The following MAF variants were observed in gnomAD, a reference collection of about 807,000 sequenced individuals.
The protein encoded by MAF is transcription factor Maf.
A neutral mutation model predicts 22.0 loss-of-function variants in MAF; 10 were observed. The ratio of observed to expected loss-of-function variants is 0.45; its 90% CI spans 0.28 to 0.77. MAF has a LOEUF of 0.77. Ranked by LOEUF, MAF falls within the 30% of genes least tolerant of loss-of-function variation. The pLI is 0.12. For missense variants in MAF, 544 were observed against 548.4 expected (o/e 0.99, Z 0.08); for synonymous variants, 337 against 255.8 (o/e 1.32, Z -3.03).
At chr16:79,269,282 T>A in the MAF span, among the ~76,000 whole-genome samples, 8 of 152,186 alleles carry the variant, frequency 5.3e-5, no homozygotes, top group Non-Finnish European at 1.2e-4. Flanking sequence ...CGGGCTTGGG[T>A]CTGGGCACCC....
chr16:79,388,846 G>C, the MAF span, among the ~76,000 whole-genome samples: 1 of 152,158 alleles, frequency 6.6e-6, no homozygotes, highest in African/African-American at 2.4e-5. Context: ...GAGAAGTGAA[G>C]TGACTTGCTC....
chr16:79,376,526 TTTTC>T, the MAF span, among the ~76,000 whole-genome samples: 1 of 152,154 alleles, frequency 6.6e-6, no homozygotes, highest in Admixed American at 6.5e-5. Context: ...ATTTTATTTT[TTTTC>T]TTTTTTTAAA....
the MAF span, among the ~76,000 whole-genome samples, chr16:79,532,496 T>A: frequency 2.0e-5 from 3 of 152,248 alleles, no homozygotes; most frequent in Non-Finnish European, 4.4e-5. Context: ...GGTGGTCAAC[T>A]GCTCAGTAGC....
the MAF span, among the ~76,000 whole-genome samples, chr16:79,397,333 T>C: frequency 6.6e-6 from 1 of 152,196 alleles, no homozygotes; most frequent in Admixed American, 6.5e-5. Context: ...TTAATGCTGC[T>C]TTGTTCTTTA....
chr16:79,327,094 T>C, the MAF span, among the ~76,000 whole-genome samples: 67 of 152,330 alleles, frequency 4.4e-4, no homozygotes, highest in Admixed American at 9.1e-4. Flanking sequence ...GGGGGTGGCA[T>C]GCAGTACAGG....
the MAF span, among the ~76,000 whole-genome samples, chr16:79,354,772 C>T: frequency 1.1e-4 from 16 of 152,160 alleles, no homozygotes; most frequent in African/African-American, 3.1e-4. Context: ...CCATGCCATC[C>T]TGGAGCCCAG....
chr16:79,212,264 A>G, the MAF span: 74 of 1,282,550 alleles, frequency 5.8e-5, no homozygotes, highest in Non-Finnish European at 7.4e-5. Context: ...TAATTGTTTC[A>G]TTCATCCTGA....
At chr16:79,402,055 G>A in the MAF span, among the ~76,000 whole-genome samples, 3,177 of 152,270 alleles carry the variant, frequency 0.021, 141 homozygotes, top group East Asian at 0.18. Flanking sequence ...CATGGACTGT[G>A]GGATCAGAAG....
the MAF span, among the ~76,000 whole-genome samples, chr16:79,493,014 A>C: frequency 6.6e-6 from 1 of 151,896 alleles, no homozygotes; most frequent in Non-Finnish European, 1.5e-5. Context: ...GCTGGAGTGC[A>C]GTGGCACAAC....
the MAF span, among the ~76,000 whole-genome samples, chr16:79,374,156 C>G: frequency 2.0e-5 from 3 of 152,180 alleles, no homozygotes; most frequent in Non-Finnish European, 4.4e-5. Flanking sequence ...CAAAGGCAAT[C>G]CCGGTTGGTG....
chr16:79,273,958 T>G, the MAF span, among the ~76,000 whole-genome samples: 1 of 145,514 alleles, frequency 6.9e-6, no homozygotes, highest in Non-Finnish European at 1.5e-5. Context: ...CCTTTTTTTT[T>G]TTTTTTTTTT....
chr16:79,438,184 G>C, the MAF span, among the ~76,000 whole-genome samples: 2 of 152,222 alleles, frequency 1.3e-5, no homozygotes, highest in Non-Finnish European at 2.9e-5. Context: ...CTTTGTGGGG[G>C]GTTCCCTCAG....
At position 79,593,870 on chromosome 16, in the gene MAF, T is replaced by C. The variant is rs967412889; in HGVS notation, c.*590A>G. 9.1e-5 allele frequency: 17 copies of C among 186,366 alleles called. No homozygotes were observed. Among genetic ancestry groups the C allele is most frequent in the African/African-American group, 3.0e-4 (13 of 42,700 alleles). 11.5% of individuals were successfully genotyped at this position (186,366 alleles called of 1,614,324 possible). On this transcript the variant is annotated 3_prime_UTR_variant, in exon 2 of 2. Coordinates refer to ENST00000326043, the MANE Select transcript of MAF (RefSeq NM_005360.5). ...AACTAACTTTGTATTTTGCCACACA[T>C]TGTTTTCATTTACAGCTATGTCTGA...
At chr16:79,371,440 A>G in the MAF span, among the ~76,000 whole-genome samples, 1 of 152,178 alleles carries the variant, frequency 6.6e-6, no homozygotes, top group Non-Finnish European at 1.5e-5. Flanking sequence ...CTCATCTTCA[A>G]CTTGCCACAC....
At chr16:79,434,610 C>G in the MAF span, among the ~76,000 whole-genome samples, 1 of 151,526 alleles carries the variant, frequency 6.6e-6, no homozygotes, top group East Asian at 1.9e-4. Context: ...TATACATATA[C>G]TTTTAAAGCA....
downstream of MAF, among the ~76,000 whole-genome samples, chr16:79,591,594 G>A (rs914077900): frequency 9.2e-5 from 14 of 152,168 alleles, no homozygotes; most frequent in Non-Finnish European, 1.2e-4. Flanking sequence ...AGTCATAGTC[G>A]TGGAAAATGT....
At chr16:79,293,733 A>C in the MAF span, among the ~76,000 whole-genome samples, 1 of 152,102 alleles carries the variant, frequency 6.6e-6, no homozygotes, top group South Asian at 2.1e-4. Flanking sequence ...TGTGTCTGTG[A>C]AGGGGAAAGG....
the MAF span, among the ~76,000 whole-genome samples, chr16:79,316,994 G>C: frequency 6.6e-6 from 1 of 152,194 alleles, no homozygotes; most frequent in African/African-American, 2.4e-5. Context: ...AACAGGCTTA[G>C]AGAAATGAAA....
chr16:79,247,438 A>T, the MAF span, among the ~76,000 whole-genome samples: 1 of 152,246 alleles, frequency 6.6e-6, no homozygotes, highest in Non-Finnish European at 1.5e-5. Context: ...TTCACTGCAA[A>T]CTTGCTTCCC....
Sources: allele counts gnomAD v4.1 joint callset (sites outside exome capture counted in the v4.1 genomes callset), GRCh38; gene constraint gnomAD v4.1.1; transcripts MANE v1.5; gene names NCBI Gene and HGNC (gene_info 2026-07-23, HGNC 2026-07-21).